Variants in IQGAP2 observed in about 807,000 individuals in gnomAD.
The protein encoded by IQGAP2 is IQ motif containing GTPase activating protein 2, also known as ras GTPase-activating-like protein IQGAP2.
IQGAP2 carries 173 observed loss-of-function variants against 201.3 expected under a neutral mutation model. The observed-to-expected ratio is 0.86, with a 90% CI of 0.76 to 0.98. The LOEUF is 0.98. Among genes scored for constraint, IQGAP2 ranks in the 50% least tolerant of loss-of-function variants. The pLI, the probability that IQGAP2 is intolerant of heterozygous loss-of-function variation, is 0.00. For missense variants in IQGAP2, 1,687 were observed against 1,864.8 expected (o/e 0.90, Z 1.76); for synonymous variants, 675 against 673.9 (o/e 1.00, Z -0.03).
chr5:76,498,385 G>A (rs544118956), intron 2 of IQGAP2, among the ~76,000 whole-genome samples: 1 of 152,270 alleles, frequency 6.6e-6, no homozygotes, highest in South Asian at 2.1e-4. Flanking sequence ...GACAGATGAG[G>A]AAACTGAGGC....
intron 2 of IQGAP2, among the ~76,000 whole-genome samples, chr5:76,482,129 G>A (rs929872010): frequency 6.6e-6 from 1 of 152,156 alleles, no homozygotes; most frequent in South Asian, 2.1e-4. Flanking sequence ...TACAAGTAGC[G>A]CATGGGATGC....
intron 1 of IQGAP2, among the ~76,000 whole-genome samples, chr5:76,454,587 C>T (rs2150119230): frequency 6.6e-6 from 1 of 152,060 alleles, no homozygotes; most frequent in African/African-American, 2.4e-5. Context: ...ATGATGGTTT[C>T]CAGTTTCATC....
intron 1 of IQGAP2, among the ~76,000 whole-genome samples, chr5:76,420,432 C>G (rs945766328): frequency 1.2e-4 from 18 of 147,620 alleles, no homozygotes; most frequent in Admixed American, 2.8e-4. Context: ...CTGGAGTGCA[C>G]TGGCATGATC....
In IQGAP2 at chr5:76,403,716, G is replaced by A. The variant is rs1034849968; in HGVS notation, c.46+125G>A. ...GGAAATTGGAAGGCAGCAACTGCGCGGCTGGCAAAGTTGGGAGCTGGAGTT... is the reference window on the plus strand; with the variant it reads ...GGAAATTGGAAGGCAGCAACTGCGCAGCTGGCAAAGTTGGGAGCTGGAGTT... On this transcript the variant is annotated intron_variant, in intron 1 of 35. Coordinates refer to ENST00000274364, the MANE Select transcript of IQGAP2 (RefSeq NM_006633.5). The surrounding 1 kb of genome is among the most constrained non-coding windows in gnomAD (Gnocchi z 4.8). The A allele has an allele frequency of 1.9e-5, 14 of 746,926 alleles. No homozygotes were observed. Among genetic ancestry groups the A allele is most frequent in the Non-Finnish European group, 2.5e-5 (13 of 513,222 alleles). 46.3% of individuals were successfully genotyped at this position (746,926 alleles called of 1,614,324 possible).
intron 2 of IQGAP2, among the ~76,000 whole-genome samples, chr5:76,555,734 TG>T (rs1743896641): frequency 6.6e-6 from 1 of 152,112 alleles, no homozygotes; most frequent in Non-Finnish European, 1.5e-5. Flanking sequence ...CTTGAAAACA[TG>T]GGGTTCTTTA....
intron 2 of IQGAP2, among the ~76,000 whole-genome samples, chr5:76,519,198 C>A (rs1410656693): frequency 6.6e-6 from 1 of 152,172 alleles, no homozygotes; most frequent in Non-Finnish European, 1.5e-5. Flanking sequence ...AAAAGTAGCC[C>A]TTGTGCTACT....
chr5:76,427,194 A>G (rs1435585452), intron 1 of IQGAP2, among the ~76,000 whole-genome samples: 1 of 152,174 alleles, frequency 6.6e-6, no homozygotes, highest in African/African-American at 2.4e-5. Context: ...GTGACAACAC[A>G]AAATGTTTCC....
At position 76,589,637 on chromosome 5, in the gene IQGAP2, A is replaced by G; in HGVS notation, c.549A>G (p.Arg183=). ...TAGAGGAGGAAATCAGTAATATGAGAAAAGAACTTGAGAAATATGGAATAC... is the reference window on the plus strand; with the variant it reads ...TAGAGGAGGAAATCAGTAATATGAGGAAAGAACTTGAGAAATATGGAATAC... ...DFTEEEISNM[R]KELEKYGIQM... The change falls in exon 7 of 36, where the codon AGA becomes AGG. Residue 183 remains arginine (R), a synonymous_variant. Transcript: ENST00000274364. 3 of 1,601,080 alleles carry G rather than the reference A, an allele frequency of 1.9e-6. No individual in the cohort carries two copies. Among genetic ancestry groups the G allele is most frequent in the African/African-American group, 2.7e-5 (2 of 74,716 alleles).
chr5:76,621,278 G>T (rs1324029451), intron 13 of IQGAP2, among the ~76,000 whole-genome samples: 7 of 152,166 alleles, frequency 4.6e-5, no homozygotes, highest in Admixed American at 1.3e-4. Flanking sequence ...TAAAATAGAG[G>T]AGGTGTGTCC....
intron 2 of IQGAP2, among the ~76,000 whole-genome samples, chr5:76,558,306 C>G (rs1744091754): frequency 6.6e-6 from 1 of 152,164 alleles, no homozygotes; most frequent in Non-Finnish European, 1.5e-5. Flanking sequence ...GCCCCTACCC[C>G]TCACACATAT....
At chr5:76,694,798 T>C (rs148378786) in intron 31 of IQGAP2, among the ~76,000 whole-genome samples, 5 of 152,350 alleles carry the variant, frequency 3.3e-5, no homozygotes, top group Non-Finnish European at 7.4e-5. Context: ...TACAATGAAA[T>C]GGGAAGACCA....
At chr5:76,647,050 A>G (rs1296563381) in intron 17 of IQGAP2, among the ~76,000 whole-genome samples, 1 of 152,132 alleles carries the variant, frequency 6.6e-6, no homozygotes, top group Admixed American at 6.5e-5. Flanking sequence ...TAATTTTGTC[A>G]AGGAATAGAT....
At chr5:76,445,620 A>G (rs1012509542) in intron 1 of IQGAP2, among the ~76,000 whole-genome samples, 1 of 152,000 alleles carries the variant, frequency 6.6e-6, no homozygotes, top group African/African-American at 2.4e-5. Flanking sequence ...GCCAGCCACC[A>G]TGCCTGGCTA....
chr5:76,595,243 CTTTTTTTTTT>C (rs1180358517), intron 9 of IQGAP2, among the ~76,000 whole-genome samples: 10 of 35,304 alleles, frequency 2.8e-4, no homozygotes, highest in African/African-American at 3.6e-4. Context: ...CATTTCTTTG[CTTTTTTTTTT>C]TTTTTTTTTT....
chr5:76,701,216 A>C lies in IQGAP2; in HGVS notation c.4505+3A>C. ...ATAGATGATCTTCAAACAAACCAGT[A>C]AGTGTGACCTGGAATCTGCATAGAA... On this transcript the variant is annotated splice_donor_region_variant and intron_variant, in intron 34 of 35. Coordinates refer to ENST00000274364, the MANE Select transcript of IQGAP2 (RefSeq NM_006633.5). 6.2e-7 allele frequency: 1 copy of C among 1,613,940 alleles called. No individual in the cohort carries two copies. Among genetic ancestry groups the C allele is most frequent in the Non-Finnish European group, 8.5e-7 (1 of 1,179,826 alleles).
chr5:76,413,616 G>A lies in IQGAP2; in HGVS notation c.46+10025G>A, dbSNP rs545880744. On this transcript the variant is annotated intron_variant, in intron 1 of 35. Coordinates refer to ENST00000274364, the MANE Select transcript of IQGAP2 (RefSeq NM_006633.5). The stretch of plus-strand genomic sequence containing the variant: ...TGTTCTATTGTTTCCAGATATAGCC[G>A]AGGTGGGGAGAACATTTGGACTTCT... Among the ~76,000 whole-genome samples the A allele has an allele frequency of 1.6e-3, 201 of 122,256 alleles. 1 individual carries two copies. Among genetic ancestry groups the A allele is most frequent in the African/African-American group, 4.8e-3 (187 of 38,652 alleles). The allele number at this position is 122,256 out of a possible 152,430, so 80.2% of individuals were successfully genotyped here. A position where few individuals can be genotyped will look rare whatever the true frequency, so the allele number is the denominator to read the frequency against.
intron 23 of IQGAP2, 69 bp from the exon 24 acceptor site, chr5:76,671,690 A>T: frequency 2.7e-5 from 1 of 37,666 alleles, no homozygotes. Flanking sequence ...TGTCTCGGGG[A>T]AAAAAAAAAA....
intron 2 of IQGAP2, among the ~76,000 whole-genome samples, chr5:76,527,656 C>G (rs376584883): frequency 1.3e-5 from 2 of 152,200 alleles, no homozygotes; most frequent in South Asian, 2.1e-4. Context: ...CAGGACTTTA[C>G]AAGGTTCCTG....
At chr5:76,665,219 A>T in intron 22 of IQGAP2, 44 bp downstream of exon 22, 1 of 1,543,164 alleles carries the variant, frequency 6.5e-7, no homozygotes. Context: ...GAGTAATACT[A>T]TGTTACATGT....
Sources: gnomAD v4.1 joint callset for allele counts (sites outside exome capture counted in the v4.1 genomes callset) on GRCh38, gnomAD v4.1.1 for gene constraint, Gnocchi (gnomAD v3.1) non-coding constraint, MANE v1.5 for transcripts, NCBI Gene and HGNC (gene_info 2026-07-23, HGNC 2026-07-21) for gene names.